KLHL20: variants seen among roughly 807,000 people sequenced by gnomAD.
KLHL20 encodes the protein kelch-like protein 20.
A neutral mutation model predicts 69.5 loss-of-function variants in KLHL20; 29 were observed. The observed-to-expected ratio is 0.42, with a 90% CI of 0.31 to 0.57. KLHL20 has a LOEUF of 0.57. Ranked by LOEUF, KLHL20 falls within the 20% of genes least tolerant of loss-of-function variation. The pLI is 0.18. For synonymous variants in KLHL20, 253 were observed against 265.2 expected (o/e 0.95, Z 0.45); for missense variants, 419 against 776.0 (o/e 0.54, Z 5.47).
intron 2 of KLHL20, among the ~76,000 whole-genome samples, chr1:173,731,350 A>C (rs1672265064): frequency 6.6e-6 from 1 of 152,216 alleles, no homozygotes; most frequent in Non-Finnish European, 1.5e-5. Flanking sequence ...CATTTGACCC[A>C]GCCATCCCAA....
intron 2 of KLHL20, among the ~76,000 whole-genome samples, chr1:173,730,702 C>G (rs867915066): frequency 6.6e-6 from 1 of 152,148 alleles, no homozygotes; most frequent in Non-Finnish European, 1.5e-5. Flanking sequence ...TTCATTACAC[C>G]TTATACAAAA....
chr1:173,758,774 A>C (rs1434141181), intron 7 of KLHL20, among the ~76,000 whole-genome samples: 2 of 152,200 alleles, frequency 1.3e-5, no homozygotes, highest in Non-Finnish European at 1.5e-5. Flanking sequence ...ACAGGGATCC[A>C]TTGGGAGGGT....
At chr1:173,726,433 A>G (rs1020334365) in intron 2 of KLHL20, among the ~76,000 whole-genome samples, 17 of 152,272 alleles carry the variant, frequency 1.1e-4, no homozygotes, top group Admixed American at 1.0e-3. Flanking sequence ...TGAGATCTGA[A>G]AACGGACAGA....
chr1:173,740,731 G>A (rs1319113483), intron 3 of KLHL20, among the ~76,000 whole-genome samples: 3 of 151,556 alleles, frequency 2.0e-5, no homozygotes, highest in Admixed American at 6.6e-5. Flanking sequence ...ATTTCTCCCC[G>A]CCGAGAAAGC....
At chr1:173,745,606 T>G (rs1234771070) in intron 3 of KLHL20, among the ~76,000 whole-genome samples, 1 of 152,368 alleles carries the variant, frequency 6.6e-6, no homozygotes, top group South Asian at 2.1e-4. Flanking sequence ...GTGTTACATT[T>G]ACCATTGATT....
At chr1:173,723,879 C>G (rs1671825670) in intron 2 of KLHL20, among the ~76,000 whole-genome samples, 1 of 152,124 alleles carries the variant, frequency 6.6e-6, no homozygotes, top group Non-Finnish European at 1.5e-5. Context: ...GTGTAATATT[C>G]CTACTTTACA....
intron 2 of KLHL20, among the ~76,000 whole-genome samples, chr1:173,722,477 C>T (rs1671755191): frequency 6.6e-6 from 1 of 151,754 alleles, no homozygotes; most frequent in South Asian, 2.1e-4. Context: ...TAAAATTAAG[C>T]CAGGCGTGGT....
At chr1:173,779,382 A>G (rs1328088804) in intron 10 of KLHL20, among the ~76,000 whole-genome samples, 1 of 136,454 alleles carries the variant, frequency 7.3e-6, no homozygotes, top group South Asian at 2.2e-4. Context: ...AAGGAGTCTC[A>G]CTCTGTCACC....
intron 8 of KLHL20, 96 bp from the exon 9 acceptor site, chr1:173,774,209 C>G: frequency 2.1e-6 from 3 of 1,399,226 alleles, no homozygotes; most frequent in Non-Finnish European, 3.0e-6. Context: ...TATAGCAAGT[C>G]CGTGTACTCA....
chr1:173,716,452 A>G (rs1671474133), intron 2 of KLHL20, among the ~76,000 whole-genome samples: 1 of 152,152 alleles, frequency 6.6e-6, no homozygotes, highest in Admixed American at 6.5e-5. Context: ...TGCATGCCTA[A>G]TTATGGTTTT....
rs200171348 is a variant in KLHL20 at position 173,755,950 on chromosome 1, C to T, written c.879C>T (p.Tyr293=). Residue 293 remains tyrosine, a synonymous_variant, in exon 6 of 12, where the codon TAC becomes TAT. Coordinates refer to ENST00000209884, the MANE Select transcript of KLHL20 (RefSeq NM_014458.4). ...CRDLVDEAKN[Y]LLLPQERPLM... ...ACTTGGTAGATGAGGCTAAAAACTA[C>T]CTCCTATTGCCGCAAGAACGACCAC... 6.2e-6 allele frequency: 10 copies of T among 1,613,916 alleles called. No homozygotes were observed. In the Admixed American group the frequency reaches 1.3e-4, roughly 22 times the overall value.
intron 4 of KLHL20, among the ~76,000 whole-genome samples, chr1:173,752,822 C>T (rs1160180103): frequency 1.3e-5 from 2 of 152,070 alleles, no homozygotes; most frequent in Non-Finnish European, 2.9e-5. Context: ...CAGTAGGGTA[C>T]CATGGGTCAT....
intron 3 of KLHL20, chr1:173,741,769 T>A: frequency 6.8e-7 from 1 of 1,470,448 alleles, no homozygotes; most frequent in Non-Finnish European, 9.3e-7. Flanking sequence ...AATTCCTACT[T>A]CATGGATGTG....
intron 2 of KLHL20, among the ~76,000 whole-genome samples, chr1:173,732,566 A>G (rs1672337591): frequency 6.6e-6 from 1 of 152,160 alleles, no homozygotes; most frequent in Non-Finnish European, 1.5e-5. Flanking sequence ...ACTAAATGAA[A>G]TGTATGCTGT....
At chr1:173,721,472 G>A (rs991682902) in intron 2 of KLHL20, among the ~76,000 whole-genome samples, 1 of 152,200 alleles carries the variant, frequency 6.6e-6, no homozygotes, top group African/African-American at 2.4e-5. Flanking sequence ...TATGGGAAGG[G>A]CTGTGTGACA....
chr1:173,748,838 C>T (rs1162738123), intron 3 of KLHL20, among the ~76,000 whole-genome samples: 10 of 152,090 alleles, frequency 6.6e-5, no homozygotes, highest in Non-Finnish European at 1.3e-4. Context: ...GTCATGTTTA[C>T]ATGAGTATAT....
chr1:173,752,740 G>A (rs1673367718), intron 4 of KLHL20, among the ~76,000 whole-genome samples: 1 of 152,196 alleles, frequency 6.6e-6, no homozygotes, highest in Non-Finnish European at 1.5e-5. Flanking sequence ...CTTGCTGAAC[G>A]TTTTTAGTAG....
chr1:173,784,822 A>G (rs984620091), intron 11 of KLHL20, among the ~76,000 whole-genome samples: 1 of 152,224 alleles, frequency 6.6e-6, no homozygotes, highest in Non-Finnish European at 1.5e-5. Context: ...CAAAATTTTG[A>G]AAATGTAGAA....
At chr1:173,719,694 T>G (rs530612016) in intron 2 of KLHL20, among the ~76,000 whole-genome samples, 2 of 152,316 alleles carry the variant, frequency 1.3e-5, no homozygotes, top group African/African-American at 2.4e-5. Context: ...TGGTGGACAT[T>G]GACAAATTTT....
Sources: allele counts gnomAD v4.1 joint callset (sites outside exome capture counted in the v4.1 genomes callset), GRCh38; gene constraint gnomAD v4.1.1; transcripts MANE v1.5; gene names NCBI Gene and HGNC (gene_info 2026-07-23, HGNC 2026-07-21).